The following DYNLT5 variants were observed in gnomAD, a reference collection of about 807,000 sequenced individuals.
DYNLT5 encodes dynein light chain Tctex-type family member 5.
In DYNLT5, 25 loss-of-function variants were observed where a neutral mutation model predicts 19.3. That is an observed-to-expected ratio of 1.30 (90% CI 0.95 to 1.81). The LOEUF is 1.81. Among genes scored for constraint, DYNLT5 ranks in the 40% most tolerant of loss-of-function variants. The pLI, the probability that DYNLT5 is intolerant of heterozygous loss-of-function variation, is 0.00. For synonymous variants in DYNLT5, 82 were observed against 68.9 expected, an observed-to-expected ratio of 1.19 and a Z score of -0.94; for missense variants, 232 against 217.9, an observed-to-expected ratio of 1.06 and a Z score of -0.41.
intron 2 of DYNLT5, among the ~76,000 whole-genome samples, chr1:66,770,057 G>A (rs536550499): frequency 1.2e-4 from 19 of 152,242 alleles, no homozygotes; most frequent in Non-Finnish European, 2.4e-4. Context: ...TGGTGGAGAT[G>A]CGATTGGCAA....
At chr1:66,770,777 A>G in intron 3 of DYNLT5, 1 of 416,488 alleles carries the variant, frequency 2.4e-6, no homozygotes, top group Non-Finnish European at 4.5e-6. Flanking sequence ...GTACATAGAT[A>G]TGACTTAAAT....
chr1:66,770,664 T>C, intron 3 of DYNLT5, 186 bp downstream of exon 3: 1 of 678,900 alleles, frequency 1.5e-6, no homozygotes, highest in Non-Finnish European at 2.7e-6. Flanking sequence ...ACTTGCTGTC[T>C]TACTTTTCTT....
intron 3 of DYNLT5, among the ~76,000 whole-genome samples, chr1:66,773,041 T>TGTTA (rs1300460645): frequency 1.1e-4 from 17 of 152,314 alleles, no homozygotes; most frequent in African/African-American, 3.6e-4. Context: ...CCATTCATCA[T>TGTTA]GTTACTACTC....
chr1:66,771,456 A>G (rs145668696), intron 3 of DYNLT5, among the ~76,000 whole-genome samples: 189 of 152,304 alleles, frequency 1.2e-3, no homozygotes, highest in African/African-American at 4.1e-3. Context: ...TGATTCTAGG[A>G]TGGCATATAA....
At chr1:66,763,165 A>G (rs961423884) in intron 2 of DYNLT5, among the ~76,000 whole-genome samples, 2 of 152,216 alleles carry the variant, frequency 1.3e-5, no homozygotes, top group African/African-American at 4.8e-5. Flanking sequence ...TGCATTGTCA[A>G]TGAGCAGTAA....
intron 2 of DYNLT5, among the ~76,000 whole-genome samples, chr1:66,769,410 G>A (rs1341024156): frequency 1.3e-5 from 2 of 152,054 alleles, no homozygotes; most frequent in Admixed American, 6.6e-5. Context: ...GTAGAACTAA[G>A]TATTTTAAAT....
chr1:66,765,471 A>G (rs1373556627), intron 2 of DYNLT5, among the ~76,000 whole-genome samples: 1 of 152,192 alleles, frequency 6.6e-6, no homozygotes, highest in Non-Finnish European at 1.5e-5. Flanking sequence ...GCTGATGAGA[A>G]TTAACTGAAA....
At chr1:66,763,555 A>G (rs961855234) in intron 2 of DYNLT5, among the ~76,000 whole-genome samples, 7 of 152,196 alleles carry the variant, frequency 4.6e-5, no homozygotes, top group Non-Finnish European at 1.0e-4. Context: ...AGCTTATCCG[A>G]TGATCTTAGA....
chr1:66,778,662 T>C lies in DYNLT5; in HGVS notation c.*1208T>C, dbSNP rs912435990. On this transcript the variant is annotated 3_prime_UTR_variant, in exon 5 of 5. Transcript: ENST00000282670. ...GTTTAGCAAATGGAAAACCAGTTAA[T>C]GCTTTAATTTTAAAATGTTTTGGTG... is the stretch of plus-strand genomic sequence containing the variant. 2 of 152,678 alleles carry C rather than the reference T, an allele frequency of 1.3e-5. No individual in the cohort carries two copies. The highest frequency in any genetic ancestry group is 2.9e-5 in the Non-Finnish European group (2 of 68,044). 9.5% of individuals were successfully genotyped at this position (152,678 alleles called of 1,614,324 possible). A position where few individuals can be genotyped will look rare whatever the true frequency, so the allele number is the denominator to read the frequency against.
intron 1 of DYNLT5, among the ~76,000 whole-genome samples, chr1:66,754,297 C>A (rs515944): frequency 0.37 from 56,314 of 152,068 alleles, 11,241 homozygotes; most frequent in Non-Finnish European, 0.42. Context: ...ATTATGGTTA[C>A]ATTTGGGGGG....
chr1:66,770,846 GA>G (rs61054482), intron 3 of DYNLT5: 1,412 of 224,390 alleles, frequency 6.3e-3, no homozygotes, highest in South Asian at 0.018. Context: ...TTAGGTGAAG[GA>G]AAAAAAAAAA....
At chr1:66,775,984 C>T (rs1645232059) in intron 3 of DYNLT5, among the ~76,000 whole-genome samples, 1 of 152,086 alleles carries the variant, frequency 6.6e-6, no homozygotes, top group Non-Finnish European at 1.5e-5. Context: ...GTTGTTGAGA[C>T]TTTGAAGTAT....
chr1:66,770,469 T>G lies in DYNLT5; in HGVS notation c.202T>G (p.Tyr68Asp). Residue 68 changes from tyrosine (Y) to aspartate (D), a missense_variant, in exon 3 of 5, where the codon TAT (tyrosine) becomes GAT (aspartate). Coordinates refer to ENST00000282670, the MANE Select transcript of DYNLT5 (RefSeq NM_152665.3). ...SRLTVQMENT[Y>D]QLGPPKHFPV... ...CCTTACAGTTCAGATGGAAAACACC[T>G]ATCAGTTGGGTGTGTTCTTTTATCT... 6.2e-7 allele frequency: 1 copy of G among 1,611,506 alleles called. No homozygotes were observed. Among genetic ancestry groups the G allele is most frequent in the East Asian group, 2.2e-5 (1 of 44,844 alleles).
At chr1:66,776,560 G>GT (rs1557875500) in intron 4 of DYNLT5, among the ~76,000 whole-genome samples, 157 bp downstream of exon 4, 91 of 126,692 alleles carry the variant, frequency 7.2e-4, no homozygotes, top group Non-Finnish European at 1.1e-3. Context: ...TGTGTGTGTG[G>GT]GTGTGTGTGT....
At chr1:66,771,198 C>T (rs1217287948) in intron 3 of DYNLT5, among the ~76,000 whole-genome samples, 1 of 152,226 alleles carries the variant, frequency 6.6e-6, no homozygotes, top group African/African-American at 2.4e-5. Context: ...AGCCTGTCCC[C>T]TCTGGCCTTG....
intron 2 of DYNLT5, among the ~76,000 whole-genome samples, chr1:66,762,676 A>T (rs776551439): frequency 2.0e-5 from 3 of 152,278 alleles, no homozygotes; most frequent in Admixed American, 2.0e-4. Context: ...CAATAGCCTT[A>T]CAAAATGAAT....
chr1:66,762,694 A>G (rs1246391040), intron 2 of DYNLT5, among the ~76,000 whole-genome samples: 1 of 152,246 alleles, frequency 6.6e-6, no homozygotes, highest in African/African-American at 2.4e-5. Context: ...AATTTCTTAA[A>G]TCGTAAGATT....
chr1:66,757,609 T>G (rs2094638502), intron 2 of DYNLT5, among the ~76,000 whole-genome samples: 1 of 152,090 alleles, frequency 6.6e-6, no homozygotes, highest in Non-Finnish European at 1.5e-5. Context: ...TCAAATTATT[T>G]TTTACCTGAA....
chr1:66,777,329 A>G lies in DYNLT5; in HGVS notation c.415A>G (p.Arg139Gly), dbSNP rs1645242450. ...GATTGTTCACATTGGACAACTGAAC[A>G]GGCAGAGCATACTTATTGGAAGCAG... Reference protein sequence around the residue: ...IVIVHIGQLNRQSILIGSRCL... With the variant: ...IVIVHIGQLNGQSILIGSRCL... Residue 139 changes from arginine (R) to glycine (G), a missense_variant, in exon 5 of 5, where the codon AGG becomes GGG. Physicochemically the swap from Arg to Gly is moderately radical, Grantham distance 125. Transcript: ENST00000282670. 2.5e-6 allele frequency: 4 copies of G among 1,614,018 alleles called. No homozygotes were observed. Among genetic ancestry groups the G allele is most frequent in the Non-Finnish European group, 2.5e-6 (3 of 1,179,928 alleles).
Sources: allele counts gnomAD v4.1 joint callset (sites outside exome capture counted in the v4.1 genomes callset), GRCh38; gene constraint gnomAD v4.1.1; transcripts MANE v1.5; gene names NCBI Gene and HGNC (gene_info 2026-07-23, HGNC 2026-07-21).